The following PCDHA6 variants were observed in gnomAD, a reference collection of about 807,000 sequenced individuals.
PCDHA6 encodes protocadherin alpha-6.
PCDHA6 carries 55 observed loss-of-function variants against 60.3 expected under a neutral mutation model. The ratio of observed to expected loss-of-function variants is 0.91; its 90% CI spans 0.73 to 1.14. PCDHA6 has a LOEUF of 1.14. Ranked by LOEUF, PCDHA6 falls within the 50% of genes most tolerant of loss-of-function variation. The pLI is 0.00. For synonymous variants in PCDHA6, 652 were observed against 557.9 expected (o/e 1.17, Z -2.38); for missense variants, 1,327 against 1,256.5 (o/e 1.06, Z -0.85).
chr5:140,947,103 G>A (rs1355984234), intron 1 of PCDHA6, among the ~76,000 whole-genome samples: 1 of 151,176 alleles, frequency 6.6e-6, no homozygotes, highest in Admixed American at 6.6e-5. Flanking sequence ...CCATAAATAG[G>A]TACGTGTCAA....
At chr5:140,927,457 A>G in intron 1 of PCDHA6, 1 of 1,614,098 alleles carries the variant, frequency 6.2e-7, no homozygotes, top group Non-Finnish European at 8.5e-7. Flanking sequence ...GGTGTTGGAG[A>G]AAGCACTGGA....
At chr5:140,830,533 A>G in intron 1 of PCDHA6, 48 bp downstream of exon 1, 1 of 1,268,354 alleles carries the variant, frequency 7.9e-7, no homozygotes, top group South Asian at 2.0e-5. Flanking sequence ...TTAAATTTAT[A>G]ATTGTTTTCC....
At chr5:140,982,434 T>A in intron 2 of PCDHA6, 41 bp from the exon 3 acceptor site, 1 of 1,613,270 alleles carries the variant, frequency 6.2e-7, no homozygotes, top group Non-Finnish European at 8.5e-7. Flanking sequence ...TGGGAAAGAA[T>A]TTATGATCTA....
chr5:140,858,436 G>T (rs781811192), intron 1 of PCDHA6: 1 of 1,542,522 alleles, frequency 6.5e-7, no homozygotes, highest in Admixed American at 2.0e-5. Flanking sequence ...ACTCTAGGAA[G>T]GTGGGTTATT....
chr5:140,848,251 T>A, intron 1 of PCDHA6: 1 of 465,844 alleles, frequency 2.1e-6, no homozygotes, highest in East Asian at 3.2e-5. Context: ...GCAGAATAAC[T>A]GTGAAATTTT....
chr5:140,882,364 C>G (rs1582611912), intron 1 of PCDHA6: 13 of 1,614,244 alleles, frequency 8.1e-6, no homozygotes, highest in Non-Finnish European at 1.1e-5. Flanking sequence ...GCCAGCTCCA[C>G]TACTCCGTCC....
intron 1 of PCDHA6, chr5:140,836,251 G>A: frequency 6.2e-7 from 1 of 1,613,786 alleles, no homozygotes; most frequent in South Asian, 1.1e-5. Flanking sequence ...ATCCCGTTCC[G>A]CGTGGGGCTG....
chr5:140,982,795 A>ATGTG (rs60616196), intron 3 of PCDHA6, among the ~76,000 whole-genome samples: 1 of 151,628 alleles, frequency 6.6e-6, no homozygotes, highest in African/African-American at 2.4e-5. Context: ...GCATGTGTGC[A>ATGTG]TGTGTGTGTG....
At chr5:140,844,316 A>C (rs1554140608) in intron 1 of PCDHA6, among the ~76,000 whole-genome samples, 1 of 149,428 alleles carries the variant, frequency 6.7e-6, no homozygotes, top group Non-Finnish European at 1.5e-5. Flanking sequence ...ATTCTTCCTA[A>C]TTTTATTATA....
chr5:140,990,342 C>A (rs2097389388), intron 3 of PCDHA6, among the ~76,000 whole-genome samples: 1 of 152,124 alleles, frequency 6.6e-6, no homozygotes, highest in Non-Finnish European at 1.5e-5. Flanking sequence ...TAAGTAAAGC[C>A]TGCCCTGTAC....
chr5:140,937,790 T>G (rs2091754196), intron 1 of PCDHA6, among the ~76,000 whole-genome samples: 1 of 151,512 alleles, frequency 6.6e-6, no homozygotes, highest in Non-Finnish European at 1.5e-5. Flanking sequence ...CGGGCGTATG[T>G]AGTCCCAGCT....
chr5:140,935,526 T>C (rs558710371), intron 1 of PCDHA6, among the ~76,000 whole-genome samples: 3 of 152,232 alleles, frequency 2.0e-5, no homozygotes, highest in Non-Finnish European at 4.4e-5. Flanking sequence ...GCATGTACAG[T>C]CAAATTATTG....
rs782491268 is a variant in PCDHA6 at position 140,857,317 on chromosome 5, G to T, written c.2394+26832G>T. 1.5e-5 allele frequency: 24 copies of T among 1,598,644 alleles called. 2 individuals carry two copies. The highest frequency in any genetic ancestry group is 1.9e-5 in the Non-Finnish European group (22 of 1,168,052). ...AGAGGGTGTCGGCCTATGAGCTGGTGGTGACCGCGCGGGACGGGGGCTCGC... is the reference window on the plus strand; with the variant it reads ...AGAGGGTGTCGGCCTATGAGCTGGTTGTGACCGCGCGGGACGGGGGCTCGC... On this transcript the variant is annotated intron_variant, in intron 1 of 3. Transcript: ENST00000529310.
chr5:140,833,536 G>A (rs188132068), intron 1 of PCDHA6, among the ~76,000 whole-genome samples: 247 of 152,256 alleles, frequency 1.6e-3, no homozygotes, highest in African/African-American at 5.6e-3. Flanking sequence ...ACAAGTGTTC[G>A]AAAGGATAGA....
Position 140,857,776 on chromosome 5 carries a change from CAGTG to C in PCDHA6, c.2394+27294_2394+27297del, listed in dbSNP as rs1342226765. ...CCGCTGGCAGCGCGGGCGGTGCAGTCAGTGAGCTGGTGCTGCGGTCGGTGGTTGC... is the reference window on the plus strand; with the variant it reads ...CCGCTGGCAGCGCGGGCGGTGCAGTCAGCTGGTGCTGCGGTCGGTGGTTGC... On this transcript the variant is annotated intron_variant, in intron 1 of 3. Coordinates refer to ENST00000529310, the MANE Select transcript of PCDHA6 (RefSeq NM_018909.4). 21 of 1,597,526 alleles carry C rather than the reference CAGTG, an allele frequency of 1.3e-5. No homozygotes were observed. In the Admixed American group the frequency reaches 3.4e-4, roughly 26 times the overall value.
chr5:140,870,319 T>A, intron 1 of PCDHA6: 1 of 1,614,162 alleles, frequency 6.2e-7, no homozygotes, highest in Non-Finnish European at 8.5e-7. Context: ...TTACTACTCG[T>A]TGGTGCTGGA....
At chr5:140,961,313 G>A (rs2095603813) in intron 1 of PCDHA6, among the ~76,000 whole-genome samples, 1 of 152,118 alleles carries the variant, frequency 6.6e-6, no homozygotes, top group Admixed American at 6.5e-5. Flanking sequence ...TGATTTACCA[G>A]GCTCTGTTTC....
intron 1 of PCDHA6, among the ~76,000 whole-genome samples, chr5:140,894,634 T>C (rs1412183022): frequency 1.3e-5 from 2 of 151,970 alleles, no homozygotes; most frequent in Non-Finnish European, 2.9e-5. Flanking sequence ...TCCAATCATA[T>C]CATTACTGAG....
At chr5:140,999,993 G>A (rs529237834) in intron 3 of PCDHA6, among the ~76,000 whole-genome samples, 1 of 152,114 alleles carries the variant, frequency 6.6e-6, no homozygotes, top group African/African-American at 2.4e-5. Flanking sequence ...CTGGGTAGTG[G>A]TATTAGATTG....
Sources: allele counts gnomAD v4.1 joint callset (sites outside exome capture counted in the v4.1 genomes callset), GRCh38; gene constraint gnomAD v4.1.1; transcripts MANE v1.5; gene names NCBI Gene and HGNC (gene_info 2026-07-23, HGNC 2026-07-21).